Variants in KLHL3 observed in about 807,000 individuals in gnomAD.
The protein encoded by KLHL3 is kelch-like protein 3.
Under a neutral mutation model 70.5 loss-of-function variants are expected in KLHL3, and 19 were observed. The ratio of observed to expected loss-of-function variants is 0.27; its 90% CI spans 0.19 to 0.40. The LOEUF is 0.40. KLHL3 is among the 10% of genes least tolerant of loss of function. The pLI is 1.00. For missense variants in KLHL3, 512 were observed against 771.1 expected (o/e 0.66, Z 3.98); for synonymous variants, 258 against 290.3 (o/e 0.89, Z 1.13).
chr5:137,649,688 G>T (rs1751150713), intron 8 of KLHL3, among the ~76,000 whole-genome samples: 1 of 152,210 alleles, frequency 6.6e-6, no homozygotes, highest in Admixed American at 6.5e-5. Flanking sequence ...CATAACCCAA[G>T]GTCCAACTTC....
intron 4 of KLHL3, 73 bp downstream of exon 4, chr5:137,698,214 A>G (rs2149921869): frequency 6.4e-7 from 1 of 1,570,554 alleles, no homozygotes; most frequent in East Asian, 2.3e-5. Context: ...TGTGAGGGTT[A>G]AATAAAATAA....
chr5:137,691,025 C>T (rs554261874), intron 5 of KLHL3, among the ~76,000 whole-genome samples: 8 of 152,292 alleles, frequency 5.3e-5, no homozygotes, highest in Non-Finnish European at 1.2e-4. Context: ...TTCTTTCCAG[C>T]TAGCTAAATA....
intron 3 of KLHL3, among the ~76,000 whole-genome samples, chr5:137,703,762 C>G (rs1459673238): frequency 6.6e-6 from 1 of 151,994 alleles, no homozygotes; most frequent in Non-Finnish European, 1.5e-5. Context: ...CATCACCCGC[C>G]CTCCCTGGAA....
rs769875703 is a variant in KLHL3 at position 137,625,779 on chromosome 5, T to A, written c.1709A>T (p.Asn570Ile). ...VTDKWTLLPT[N>I]MSTGRSYAGV... ...TGCATAGCTCCGCCCCGTGCTCATG[T>A]TCGTTGGAAGCAGCGTCCATTTGTC... is the stretch of plus-strand genomic sequence containing the variant. Residue 570 changes from asparagine to isoleucine, a missense_variant, in exon 14 of 15, where the codon AAC becomes ATC. Asn to Ile is a moderately radical substitution (Grantham distance 149). Coordinates refer to ENST00000309755, the MANE Select transcript of KLHL3 (RefSeq NM_017415.3). 5 of 1,614,124 alleles carry A rather than the reference T, an allele frequency of 3.1e-6. No individual in the cohort carries two copies. In the Admixed American group the frequency reaches 8.3e-5, roughly 27 times the overall value.
chr5:137,637,012 G>C lies in KLHL3; in HGVS notation c.1321+282C>G, dbSNP rs2074350. The stretch of plus-strand genomic sequence containing the variant: ...CCCTTCCCTTCCCCAACTTCTAGCA[G>C]AGCTATTGACACAGGGCCAAACCAC... On this transcript the variant is annotated intron_variant, in intron 11 of 14. Coordinates refer to ENST00000309755, the MANE Select transcript of KLHL3 (RefSeq NM_017415.3). 0.35 allele frequency among the ~76,000 whole-genome samples: 53,686 copies of C among 151,996 alleles called. 10,186 individuals carry two copies. Among genetic ancestry groups the C allele is most frequent in the East Asian group, 0.54 (2,764 of 5,154 alleles).
Position 137,622,121 on chromosome 5 carries a change from C to G in KLHL3, c.1741G>C (p.Ala581Pro). 1 of 1,614,234 alleles carries G rather than the reference C, an allele frequency of 6.2e-7. No individual in the cohort carries two copies. Among genetic ancestry groups the G allele is most frequent in the Non-Finnish European group, 8.5e-7 (1 of 1,180,030 alleles). ...GGTCACAAGGACTTGTGAATCACGG[C>G]AACACCTAATAAGAAAGGGGGAGAA... is the stretch of plus-strand genomic sequence containing the variant. ...MSTGRSYAGV[A>P]VIHKSL The change falls in exon 15 of 15, where the codon GCC becomes CCC. Residue 581 changes from alanine (A) to proline (P), a missense_variant. Coordinates refer to ENST00000309755, the MANE Select transcript of KLHL3 (RefSeq NM_017415.3).
intron 6 of KLHL3, among the ~76,000 whole-genome samples, chr5:137,667,646 G>C (rs1180121634): frequency 6.6e-6 from 1 of 152,140 alleles, no homozygotes; most frequent in Non-Finnish European, 1.5e-5. Flanking sequence ...AGGAGTCCTG[G>C]GGTACTTTCC....
At chr5:137,665,411 A>G (rs1263439759) in intron 6 of KLHL3, among the ~76,000 whole-genome samples, 1 of 152,216 alleles carries the variant, frequency 6.6e-6, no homozygotes, top group African/African-American at 2.4e-5. Flanking sequence ...CTCGTTCTTA[A>G]GAGATACATG....
At chr5:137,689,274 G>A (rs1752259731) in intron 5 of KLHL3, among the ~76,000 whole-genome samples, 2 of 152,234 alleles carry the variant, frequency 1.3e-5, no homozygotes, top group African/African-American at 2.4e-5. Flanking sequence ...ACAGTCTGGA[G>A]ATTTCTCAAA....
intron 14 of KLHL3, among the ~76,000 whole-genome samples, chr5:137,623,021 G>A (rs989616542): frequency 7.2e-5 from 11 of 152,230 alleles, no homozygotes; most frequent in African/African-American, 2.7e-4. Flanking sequence ...TGTTGTGACT[G>A]GAATGCTCAC....
intron 8 of KLHL3, among the ~76,000 whole-genome samples, chr5:137,650,618 G>A (rs1294258456): frequency 3.3e-5 from 5 of 152,058 alleles, no homozygotes; most frequent in African/African-American, 4.8e-5. Context: ...TCAGGAGTTC[G>A]AGACCAGCCT....
At chr5:137,634,811 A>G (rs1297922617) in intron 11 of KLHL3, among the ~76,000 whole-genome samples, 1 of 152,100 alleles carries the variant, frequency 6.6e-6, no homozygotes, top group East Asian at 1.9e-4. Context: ...AAATTAAAAT[A>G]CCATTAAGCT....
chr5:137,681,588 G>A (rs183482124), intron 5 of KLHL3, among the ~76,000 whole-genome samples: 3 of 152,286 alleles, frequency 2.0e-5, no homozygotes, highest in African/African-American at 4.8e-5. Context: ...AGATGCAATG[G>A]AGAGGCAGAC....
chr5:137,626,158 C>T (rs183111063), intron 13 of KLHL3, among the ~76,000 whole-genome samples: 60 of 152,134 alleles, frequency 3.9e-4, no homozygotes, highest in Non-Finnish European at 6.0e-4. Flanking sequence ...GTATGCCCCC[C>T]GCCACACACA....
At position 137,682,201 on chromosome 5, in the gene KLHL3, ACT is replaced by A. The variant is rs144763527; in HGVS notation, c.527-4549_527-4548del. Among the ~76,000 whole-genome samples, 1,248 of 151,922 alleles carry A rather than the reference ACT, an allele frequency of 8.2e-3. 24 individuals carry two copies. The highest frequency in any genetic ancestry group is 0.029 in the African/African-American group (1,192 of 41,416). The stretch of plus-strand genomic sequence containing the variant: ...CAGATGGAGAAACAGAAGCCCAGAA[ACT>A]CTAAGACAGGTGCTTAGGTTTACAG... On this transcript the variant is annotated intron_variant, in intron 5 of 14. Transcript: ENST00000309755.
intron 8 of KLHL3, among the ~76,000 whole-genome samples, chr5:137,644,261 G>T (rs1243544984): frequency 6.6e-6 from 1 of 152,050 alleles, no homozygotes; most frequent in African/African-American, 2.4e-5. Context: ...ATAAAGATGG[G>T]GTTTCACCAT....
chr5:137,662,802 AG>A (rs1253621530), intron 6 of KLHL3, among the ~76,000 whole-genome samples: 27 of 152,184 alleles, frequency 1.8e-4, no homozygotes, highest in Non-Finnish European at 1.2e-4. Context: ...TTAAGAGGGG[AG>A]GGAAGTATTG....
chr5:137,684,263 C>T (rs1752108845), intron 5 of KLHL3, among the ~76,000 whole-genome samples: 2 of 152,202 alleles, frequency 1.3e-5, no homozygotes, highest in Admixed American at 6.5e-5. Context: ...TCATGTAGCA[C>T]CATTCCTGGC....
At chr5:137,622,197 G>T in intron 14 of KLHL3, 71 bp from the exon 15 acceptor site, 1 of 1,527,272 alleles carries the variant, frequency 6.5e-7, no homozygotes, top group South Asian at 1.1e-5. Context: ...GTGAGTTCAT[G>T]AATCCAAGAT....
Sources: gnomAD v4.1 joint callset for allele counts (sites outside exome capture counted in the v4.1 genomes callset) on GRCh38, gnomAD v4.1.1 for gene constraint, MANE v1.5 for transcripts, NCBI Gene and HGNC (gene_info 2026-07-23, HGNC 2026-07-21) for gene names.